Variants in CELSR2 observed in about 807,000 individuals in gnomAD.
The protein encoded by CELSR2 is cadherin EGF LAG seven-pass G-type receptor 2.
Under a neutral mutation model 251.6 loss-of-function variants are expected in CELSR2, and 81 were observed. That is an observed-to-expected ratio of 0.32 (90% CI 0.27 to 0.39). CELSR2 has a LOEUF of 0.39. CELSR2 is among the 10% of genes least tolerant of loss of function. The probability of loss-of-function intolerance (pLI) is 1.00; values close to 1 mark genes in which losing one functional copy is unlikely to be tolerated. For missense variants in CELSR2, 3,365 were observed against 3,947.7 expected, an observed-to-expected ratio of 0.85 and a Z score of 3.96; for synonymous variants, 1,721 against 1,670.5, an observed-to-expected ratio of 1.03 and a Z score of -0.74.
At chr1:109,270,833 T>A in intron 24 of CELSR2, 94 bp from the exon 25 acceptor site, 1 of 1,033,438 alleles carries the variant, frequency 9.7e-7, no homozygotes, top group Non-Finnish European at 1.5e-6. Context: ...TTTTCCATGC[T>A]TCATGCCTGG....
rs1197670353 is a variant in CELSR2 at position 109,271,200 on chromosome 1, C to T, written c.7597-17C>T. 4.3e-6 allele frequency: 7 copies of T among 1,612,604 alleles called. No homozygotes were observed. The highest frequency in any genetic ancestry group is 1.7e-5 in the Admixed American group (1 of 60,026). ...TTTGTCCCCACTGAGCACCCCATGC[C>T]CTCTGCCCCTGCCTAGATGAGTGTC... On this transcript the variant is annotated splice_polypyrimidine_tract_variant and intron_variant, in intron 25 of 33. Transcript: ENST00000271332.
In CELSR2 at chr1:109,261,867, C is replaced by T; in HGVS notation, c.4357C>T (p.His1453Tyr). 1.3e-6 allele frequency: 2 copies of T among 1,589,364 alleles called. No individual in the cohort carries two copies. The highest frequency in any genetic ancestry group is 1.1e-5 in the South Asian group (1 of 87,898). ...VPGGVSDGQW[H>Y]TVQLKYYNKP... ...CGGAGGAGTCAGTGATGGCCAGTGG[C>T]ATACGGTGCAGCTGAAATACTACAA... The change falls in exon 5 of 34, where the codon CAT (histidine) becomes TAT (tyrosine). Residue 1453 changes from histidine to tyrosine, a missense_variant. Transcript: ENST00000271332. This position sits in a 1 kb window ranked among gnomAD's most constrained non-coding sequence, Gnocchi z 4.8.
chr1:109,270,037 G>C lies in CELSR2; in HGVS notation c.7212G>C (p.Leu2404=), dbSNP rs1656324014. 6.2e-7 allele frequency: 1 copy of C among 1,614,034 alleles called. No individual in the cohort carries two copies. The highest frequency in any genetic ancestry group is 8.5e-7 in the Non-Finnish European group (1 of 1,180,020). Residue 2404 remains leucine (L), a synonymous_variant, in exon 23 of 34, where the codon CTG becomes CTC. Coordinates refer to ENST00000271332, the MANE Select transcript of CELSR2 (RefSeq NM_001408.3). The part of the protein sequence containing the change: ...TFFFLTLLRI[L]RSNQHGIRRN... ...TCTTCCTCACTCTCTTGCGTATCCT[G>C]CGCTCCAACCAACACGGCATCCGAC...
At chr1:109,273,693 G>GGGGC in intron 33 of CELSR2, 23 bp downstream of exon 33, 1 of 751,820 alleles carries the variant, frequency 1.3e-6, no homozygotes, top group Non-Finnish European at 2.1e-6. Flanking sequence ...GGGTGGGCGG[G>GGGGC]ACGGGGTGCA....
intron 29 of CELSR2, 51 bp from the exon 30 acceptor site, chr1:109,272,588 AC>A: frequency 6.4e-7 from 1 of 1,556,148 alleles, no homozygotes. Context: ...AGAGACTGGG[AC>A]CCTGGGCAAG....
chr1:109,261,315 GT>G lies in CELSR2; in HGVS notation c.4181+52del, dbSNP rs764190158. 1 of 1,549,966 alleles carries G rather than the reference GT, an allele frequency of 6.5e-7. No homozygotes were observed. Among genetic ancestry groups the G allele is most frequent in the Non-Finnish European group, 8.9e-7 (1 of 1,129,576 alleles). On this transcript the variant is annotated intron_variant, in intron 3 of 33. Transcript: ENST00000271332. This position sits in a 1 kb window ranked among gnomAD's most constrained non-coding sequence, Gnocchi z 4.8. ...GGAGTGGGCCTGGTGGGCATCTGAG[GT>G]GCCTCCTGTTCTGTGGTTGAAGTAA...
chr1:109,267,058 G>A (rs1160571221), intron 15 of CELSR2, among the ~76,000 whole-genome samples: 1 of 152,122 alleles, frequency 6.6e-6, no homozygotes, highest in Non-Finnish European at 1.5e-5. Flanking sequence ...TGAAAAACCT[G>A]CACTGTGCTT....
rs769785090 is a variant in CELSR2, at chr1:109,263,672, G to C, written c.4896G>C (p.Leu1632=). ...TGGTGGCCTGGCATGGCCTCTCGCT[G>C]CCCATCTCCCAACCCTGGTACCTCA... ...SSLVAWHGLS[L]PISQPWYLSL... The change falls in exon 9 of 34, where the codon CTG becomes CTC. Residue 1632 remains leucine (L), a synonymous_variant. Coordinates refer to ENST00000271332, the MANE Select transcript of CELSR2 (RefSeq NM_001408.3). The C allele has an allele frequency of 5.0e-6, 8 of 1,614,036 alleles. No individual in the cohort carries two copies. The highest frequency in any genetic ancestry group is 6.8e-6 in the Non-Finnish European group (8 of 1,179,988).
chr1:109,267,268 G>A (rs1400075887), intron 15 of CELSR2, among the ~76,000 whole-genome samples: 4 of 152,174 alleles, frequency 2.6e-5, no homozygotes, highest in Non-Finnish European at 5.9e-5. Flanking sequence ...TCATAGGCAG[G>A]AAGTGGCGGA....
chr1:109,251,534 T>C lies in CELSR2; in HGVS notation c.1455T>C (p.Ser485=). 1 of 1,613,684 alleles carries C rather than the reference T, an allele frequency of 6.2e-7. No individual in the cohort carries two copies. The highest frequency in any genetic ancestry group is 8.5e-7 in the Non-Finnish European group (1 of 1,180,000). Residue 485 remains serine (S), a synonymous_variant, in exon 1 of 34, where the codon TCT becomes TCC. Transcript: ENST00000271332. The surrounding 1 kb of genome is among the most constrained non-coding windows in gnomAD (Gnocchi z 4.9). ...RAQDGGRPPL[S]NVSGLVTVQV... Reference sequence around the variant, plus strand: ...AGGATGGTGGCCGTCCCCCACTCTCTAATGTCTCTGGCTTGGTGACAGTAC... The same window carrying C: ...AGGATGGTGGCCGTCCCCCACTCTCCAATGTCTCTGGCTTGGTGACAGTAC...
At position 109,252,686 on chromosome 1, in the gene CELSR2, G is replaced by C. The variant is rs762667468; in HGVS notation, c.2607G>C (p.Thr869=). The C allele has an allele frequency of 6.2e-7, 1 of 1,613,958 alleles. No homozygotes were observed. Among genetic ancestry groups the C allele is most frequent in the East Asian group, 2.2e-5 (1 of 44,890 alleles). Residue 869 remains threonine, a synonymous_variant, in exon 1 of 34, where the codon ACG becomes ACC. Coordinates refer to ENST00000271332, the MANE Select transcript of CELSR2 (RefSeq NM_001408.3). This position sits in a 1 kb window ranked among gnomAD's most constrained non-coding sequence, Gnocchi z 4.8. The stretch of plus-strand genomic sequence containing the variant: ...ACGGTGACTTTATTGTTGAGTCCAC[G>C]TCAGGCATCGTGCGAACGCTACGGA... The part of the protein sequence containing the change: ...DGDGDFIVES[T]SGIVRTLRRL...
chr1:109,266,230 G>A (rs762349985), intron 15 of CELSR2, 24 bp downstream of exon 15: 49 of 1,612,860 alleles, frequency 3.0e-5, no homozygotes, highest in Admixed American at 6.7e-5. Context: ...GCCCCGATGT[G>A]ATGTCGAGGA....
rs1656460693 is a variant in CELSR2 at position 109,274,203 on chromosome 1, A to C, written c.*154A>C. On this transcript the variant is annotated 3_prime_UTR_variant, in exon 34 of 34. Coordinates refer to ENST00000271332, the MANE Select transcript of CELSR2 (RefSeq NM_001408.3). ...TCTGAGGAGCCTGGGCCTTGCCGGGAGGGGTACTCACCCCACCTAAGGCCA... is the reference window on the plus strand; with the variant it reads ...TCTGAGGAGCCTGGGCCTTGCCGGGCGGGGTACTCACCCCACCTAAGGCCA... The C allele has an allele frequency of 1.3e-6, 2 of 1,553,578 alleles. No individual in the cohort carries two copies. Among genetic ancestry groups the C allele is most frequent in the Admixed American group, 3.6e-5 (2 of 55,026 alleles).
At position 109,261,328 on chromosome 1, in the gene CELSR2, T is replaced by G; in HGVS notation, c.4181+64T>G. 1 of 1,521,710 alleles carries G rather than the reference T, an allele frequency of 6.6e-7. No individual in the cohort carries two copies. The highest frequency in any genetic ancestry group is 9.0e-7 in the Non-Finnish European group (1 of 1,107,076). 94.3% of individuals were successfully genotyped at this position (1,521,710 alleles called of 1,614,324 possible). On this transcript the variant is annotated intron_variant, in intron 3 of 33. Transcript: ENST00000271332. The surrounding 1 kb of genome is among the most constrained non-coding windows in gnomAD (Gnocchi z 4.8). ...TGGGCATCTGAGGTGCCTCCTGTTC[T>G]GTGGTTGAAGTAAGAGGTCAGGCAG...
Position 109,271,468 on chromosome 1 carries a change from A to T in CELSR2, c.7759A>T (p.Thr2587Ser). Residue 2587 changes from threonine (T) to serine (S), a missense_variant, in exon 27 of 34, where the codon ACC (threonine) becomes TCC (serine). Thr to Ser is a moderately conservative substitution (Grantham distance 58). Around this residue, in one of 5 missense-constraint regions of CELSR2, gnomAD observed 2,093 missense variants for 2,382.8 expected, o/e 0.88. Coordinates refer to ENST00000271332, the MANE Select transcript of CELSR2 (RefSeq NM_001408.3). ...LLALLSVNSD[T>S]LLFHYLFATC... Reference sequence around the variant, plus strand: ...GGCACTGCTCTCTGTCAACAGCGACACCCTCCTCTTCCACTACCTCTTTGC... The same window carrying T: ...GGCACTGCTCTCTGTCAACAGCGACTCCCTCCTCTTCCACTACCTCTTTGC... 6.2e-7 allele frequency: 1 copy of T among 1,613,808 alleles called. No individual in the cohort carries two copies. The highest frequency in any genetic ancestry group is 8.5e-7 in the Non-Finnish European group (1 of 1,179,956).
At chr1:109,267,451 C>A in intron 15 of CELSR2, 97 bp from the exon 16 acceptor site, 1 of 1,100,688 alleles carries the variant, frequency 9.1e-7, no homozygotes, top group Non-Finnish European at 1.3e-6. Context: ...CTGTCCCCGG[C>A]CCATGAGGTG....
rs1346978170 is a variant in CELSR2, at chr1:109,250,720, G to A, written c.641G>A (p.Gly214Asp). 6.2e-7 allele frequency: 1 copy of A among 1,614,020 alleles called. No homozygotes were observed. Among genetic ancestry groups the A allele is most frequent in the African/African-American group, 1.3e-5 (1 of 74,928 alleles). Residue 214 changes from glycine (G) to aspartate (D), a missense_variant, in exon 1 of 34, where the codon GGT becomes GAT. By Grantham distance (94) the Gly-to-Asp change is moderately conservative. Around this residue, in one of 5 missense-constraint regions of CELSR2, gnomAD observed 704 missense variants for 784.1 expected, o/e 0.90. Coordinates refer to ENST00000271332, the MANE Select transcript of CELSR2 (RefSeq NM_001408.3). This position sits in a 1 kb window ranked among gnomAD's most constrained non-coding sequence, Gnocchi z 4.4. The part of the protein sequence containing the change: ...RAIDPDEGEA[G>D]RLEYTMDALF... The stretch of plus-strand genomic sequence containing the variant: ...ATCGACCCGGACGAGGGTGAGGCAG[G>A]TCGACTGGAGTACACCATGGATGCC...
chr1:109,270,336 C>T (rs1422507605), intron 23 of CELSR2, 90 bp from the exon 24 acceptor site: 2 of 1,463,484 alleles, frequency 1.4e-6, no homozygotes, highest in East Asian at 2.3e-5. Flanking sequence ...CAGTTCCCAA[C>T]ACCCAGGCCC....
In CELSR2 at chr1:109,253,364, G is replaced by A; in HGVS notation, c.3285G>A (p.Glu1095=). Residue 1095 remains glutamate (E), a synonymous_variant, in exon 1 of 34, where the codon GAG becomes GAA. Transcript: ENST00000271332. ...SRALDNNRPL[E]AIMSVLVSDG... is the part of the protein sequence containing the mutation. ...CACTGGACAACAACCGGCCTCTGGA[G>A]GCCATCATGAGCGTGCTGGTGTCAG... 2 of 1,613,064 alleles carry A rather than the reference G, an allele frequency of 1.2e-6. No individual in the cohort carries two copies. The highest frequency in any genetic ancestry group is 1.7e-6 in the Non-Finnish European group (2 of 1,179,996).
Sources: allele counts gnomAD v4.1 joint callset (sites outside exome capture counted in the v4.1 genomes callset), GRCh38; gene constraint gnomAD v4.1.1; regional missense constraint gnomAD v4.1.1; non-coding constraint Gnocchi (gnomAD v3.1); transcripts MANE v1.5; gene names NCBI Gene and HGNC (gene_info 2026-07-23, HGNC 2026-07-21).